The following ASB14 variants were observed in gnomAD, a reference collection of about 807,000 sequenced individuals.
The protein encoded by ASB14 is ankyrin repeat and SOCS box protein 14.
A neutral mutation model predicts 55.6 loss-of-function variants in ASB14; 63 were observed. That is an observed-to-expected ratio of 1.13 (90% CI 0.92 to 1.40). The LOEUF (loss-of-function observed/expected upper bound fraction) is 1.40, where lower values mean the gene tolerates loss of function less well. Ranked by LOEUF, ASB14 falls within the 40% of genes most tolerant of loss-of-function variation. The pLI, the probability that ASB14 is intolerant of heterozygous loss-of-function variation, is 0.00. For synonymous variants in ASB14, 256 were observed against 259.9 expected (o/e 0.98, Z 0.15); for missense variants, 724 against 710.4 (o/e 1.02, Z -0.22).
At position 57,276,541 on chromosome 3, in the gene ASB14, A is replaced by G. The variant is rs1446990874; in HGVS notation, c.*9T>C. 1 of 1,594,340 alleles carries G rather than the reference A, an allele frequency of 6.3e-7. No homozygotes were observed. Among genetic ancestry groups the G allele is most frequent in the South Asian group, 1.1e-5 (1 of 88,956 alleles). On this transcript the variant is annotated 3_prime_UTR_variant, in exon 10 of 11. Coordinates refer to ENST00000487349, the MANE Select transcript of ASB14 (RefSeq NM_001142733.3). Reference sequence around the variant, plus strand: ...GCAAAATTATACCTTTTCCATTAGAATGGTTTGATTACCAGGTTCCTGTAA... The same window carrying G: ...GCAAAATTATACCTTTTCCATTAGAGTGGTTTGATTACCAGGTTCCTGTAA...
rs748953824 is a variant in ASB14, at chr3:57,287,926, GAA to G, written c.442_443del (p.Phe148ArgfsTer13). Reference sequence around the variant, plus strand: ...CTGCAAGAAGAGGAGAATTGCCTTCGAAATTCTTAGCATTTGGATTGCAGCCA... The same window carrying G: ...CTGCAAGAAGAGGAGAATTGCCTTCGATTCTTAGCATTTGGATTGCAGCCA... The part of the protein sequence containing the change: ...LNGCNPNAKN[F>X]EGNSPLLAAV... On this transcript the variant is annotated frameshift_variant, in exon 5 of 11. Transcript: ENST00000487349. LOFTEE classifies it high-confidence loss of function. 7 of 1,537,090 alleles carry G rather than the reference GAA, an allele frequency of 4.6e-6. No individual in the cohort carries two copies. Among genetic ancestry groups the G allele is most frequent in the Non-Finnish European group, 6.1e-6 (7 of 1,146,886 alleles).
At position 57,292,124 on chromosome 3, in the gene ASB14, A is replaced by C; in HGVS notation, c.-71-20T>G. On this transcript the variant is annotated intron_variant, in intron 1 of 10. Coordinates refer to ENST00000487349, the MANE Select transcript of ASB14 (RefSeq NM_001142733.3). The stretch of plus-strand genomic sequence containing the variant: ...GATCAACTGCTTAAAATTACAAATG[A>C]AATTCAGAAATCTAGAAAATTGGTA... 8.1e-7 allele frequency: 1 copy of C among 1,232,522 alleles called. No homozygotes were observed. Among genetic ancestry groups the C allele is most frequent in the Non-Finnish European group, 1.0e-6 (1 of 956,610 alleles). 76.3% of individuals were successfully genotyped at this position (1,232,522 alleles called of 1,614,324 possible).
intron 2 of ASB14, among the ~76,000 whole-genome samples, chr3:57,290,006 T>A (rs1275267066): frequency 1.3e-5 from 2 of 152,144 alleles, no homozygotes; most frequent in Admixed American, 1.3e-4. Context: ...CCTCGGACAC[T>A]CTGTCCTGTT....
In ASB14 at chr3:57,280,325, C is replaced by T. The variant is rs2061030041; in HGVS notation, c.864G>A (p.Val288=). The T allele has an allele frequency of 6.5e-7, 1 of 1,549,286 alleles. No individual in the cohort carries two copies. The highest frequency in any genetic ancestry group is 8.7e-7 in the Non-Finnish European group (1 of 1,145,466). ...ACAGTAAGTGGCCCCTGTCAGCTGC[C>T]ACATGGATGGGCAGGTGGCCTGAAT... ...PKNSGHLPIH[V]AADRGHLLAL... The change falls in exon 7 of 11, where the codon GTG becomes GTA. Residue 288 remains valine, a synonymous_variant. Transcript: ENST00000487349.
chr3:57,269,456 GGCTCTC>G lies in ASB14; in HGVS notation c.*179_*184del. 6 of 1,412,944 alleles carry G rather than the reference GGCTCTC, an allele frequency of 4.2e-6. No individual in the cohort carries two copies. The highest frequency in any genetic ancestry group is 2.0e-5 in the Admixed American group (1 of 49,604). 87.5% of individuals were successfully genotyped at this position (1,412,944 alleles called of 1,614,324 possible). A position where few individuals can be genotyped will look rare whatever the true frequency, so the allele number is the denominator to read the frequency against. Reference sequence around the variant, plus strand: ...CATACATATTTATGACAGAAGAAGTGGCTCTCAAGAATGTATCTTAACTGCATAATT... The same window carrying G: ...CATACATATTTATGACAGAAGAAGTGAAGAATGTATCTTAACTGCATAATT... On this transcript the variant is annotated 3_prime_UTR_variant, in exon 11 of 11. Transcript: ENST00000487349.
At chr3:57,277,987 G>GATACTT in intron 8 of ASB14, 67 bp from the exon 9 acceptor site, 1 of 1,407,284 alleles carries the variant, frequency 7.1e-7, no homozygotes, top group Non-Finnish European at 9.8e-7. Flanking sequence ...GTTTAGCATA[G>GATACTT]TAGTCAAAGG....
At position 57,280,393 on chromosome 3, in the gene ASB14, C is replaced by T. The variant is rs1449581676; in HGVS notation, c.796G>A (p.Ala266Thr). 1.3e-5 allele frequency: 20 copies of T among 1,551,280 alleles called. No homozygotes were observed. In the South Asian group the frequency reaches 2.1e-4, roughly 17 times the overall value. Reference protein sequence around the residue: ...AASGGNPDAVALLLEYGADAN... With the variant: ...AASGGNPDAVTLLLEYGADAN... ...TCAGCTCCATACTCCAGCAAGAGAG[C>T]CACAGCATCTGGATTTCCTCCACTT... Residue 266 changes from alanine (A) to threonine (T), a missense_variant, in exon 7 of 11, where the codon GCT (alanine) becomes ACT (threonine). Physicochemically the swap from Ala to Thr is moderately conservative, Grantham distance 58. Coordinates refer to ENST00000487349, the MANE Select transcript of ASB14 (RefSeq NM_001142733.3).
Position 57,280,453 on chromosome 3 carries a change from C to T in ASB14, c.736G>A (p.Ala246Thr), listed in dbSNP as rs1196157830. 3 of 1,550,728 alleles carry T rather than the reference C, an allele frequency of 1.9e-6. No individual in the cohort carries two copies. The highest frequency in any genetic ancestry group is 1.4e-5 in the African/African-American group (1 of 72,992). ...LRKGANAHGQ[A>T]SDSSSILLEA... ...AGTAAGATGGAAGAAGAATCAGAGG[C>T]CTGACCATGAGCATTAGCTCCTAAG... Residue 246 changes from alanine (A) to threonine (T), a missense_variant, in exon 7 of 11, where the codon GCC (alanine) becomes ACC (threonine). Ala to Thr is a moderately conservative substitution (Grantham distance 58). Coordinates refer to ENST00000487349, the MANE Select transcript of ASB14 (RefSeq NM_001142733.3).
chr3:57,277,552 A>G (rs1443019794), intron 9 of ASB14, among the ~76,000 whole-genome samples: 1 of 152,170 alleles, frequency 6.6e-6, no homozygotes, highest in African/African-American at 2.4e-5. Flanking sequence ...ACCTATCTAT[A>G]TAATAAGTAG....
At position 57,275,308 on chromosome 3, in the gene ASB14, C is replaced by T. The variant is rs370608886; in HGVS notation, c.*22+1220G>A. 2.6e-4 allele frequency among the ~76,000 whole-genome samples: 39 copies of T among 152,024 alleles called. 2 individuals carry two copies. The South Asian group carries it at 7.3e-3, about 28-fold the overall frequency. On this transcript the variant is annotated intron_variant, in intron 10 of 10. Coordinates refer to ENST00000487349, the MANE Select transcript of ASB14 (RefSeq NM_001142733.3). ...TTCTACTAAAAATACAAAAATTAGCCGGGCATGGTGGTGTACACCTGTAAT... is the reference window on the plus strand; with the variant it reads ...TTCTACTAAAAATACAAAAATTAGCTGGGCATGGTGGTGTACACCTGTAAT...
At chr3:57,269,782 G>C in intron 10 of ASB14, 164 bp from the exon 11 acceptor site, 1 of 1,354,938 alleles carries the variant, frequency 7.4e-7, no homozygotes, top group Non-Finnish European at 1.0e-6. Flanking sequence ...TCAAGGAGGA[G>C]ATTAAGCTTT....
chr3:57,290,258 T>C (rs2061118439), intron 2 of ASB14, among the ~76,000 whole-genome samples: 1 of 152,216 alleles, frequency 6.6e-6, no homozygotes, highest in African/African-American at 2.4e-5. Context: ...GGGGAGACTC[T>C]ATCTCTGCCT....
chr3:57,279,007 T>C, intron 7 of ASB14, 87 bp from the exon 8 acceptor site: 1 of 1,271,200 alleles, frequency 7.9e-7, no homozygotes, highest in Non-Finnish European at 1.1e-6. Context: ...CAATACTAGA[T>C]AGTATCAGTA....
In ASB14 at chr3:57,278,807, A is replaced by G. The variant is rs761302492; in HGVS notation, c.1001T>C (p.Ile334Thr). 8.1e-6 allele frequency: 13 copies of G among 1,613,466 alleles called. No homozygotes were observed. The change falls in exon 8 of 11, where the codon ATC becomes ACC. Residue 334 changes from isoleucine (I) to threonine (T), a missense_variant. Coordinates refer to ENST00000487349, the MANE Select transcript of ASB14 (RefSeq NM_001142733.3). ...GAAGTTCACATCAAATCCAGCCTGG[A>G]TGAGGAGTTCCAGGCACTGAGGATG... Reference protein sequence around the residue: ...GAHPQCLELLIQAGFDVNFML... With the variant: ...GAHPQCLELLTQAGFDVNFML...
intron 2 of ASB14, among the ~76,000 whole-genome samples, chr3:57,290,783 A>G (rs1239890083): frequency 1.3e-5 from 2 of 152,248 alleles, no homozygotes; most frequent in South Asian, 2.1e-4. Context: ...CAGTTACTCA[A>G]TTATGCAATT....
At chr3:57,292,214 CTT>C (rs2061138416) in intron 1 of ASB14, 110 bp from the exon 2 acceptor site, 1 of 814,124 alleles carries the variant, frequency 1.2e-6, no homozygotes, top group African/African-American at 1.8e-5. Flanking sequence ...TTTCTATAAA[CTT>C]AAAAAAGTTT....
chr3:57,290,240 A>T (rs1172371583), intron 2 of ASB14, among the ~76,000 whole-genome samples: 1 of 152,154 alleles, frequency 6.6e-6, no homozygotes, highest in Non-Finnish European at 1.5e-5. Flanking sequence ...TTCCTTCTGG[A>T]GGCTCTTGGG....
intron 5 of ASB14, among the ~76,000 whole-genome samples, chr3:57,284,135 AAT>A (rs1207729118): frequency 3.0e-5 from 2 of 66,702 alleles, no homozygotes; most frequent in African/African-American, 5.6e-5. Flanking sequence ...TATGTATGTA[AAT>A]ATATATATAT....
Position 57,268,429 on chromosome 3 carries a change from TAGAG to T in ASB14, c.*1208_*1211del, listed in dbSNP as rs757479184. On this transcript the variant is annotated 3_prime_UTR_variant, in exon 11 of 11. Coordinates refer to ENST00000487349, the MANE Select transcript of ASB14 (RefSeq NM_001142733.3). ...AGGGCATCAGAAAAACAAAAAGAAA[TAGAG>T]AGAGTAAAAGAGAAGCAACAGAAAG... 843 of 1,600,346 alleles carry T rather than the reference TAGAG, an allele frequency of 5.3e-4. No homozygotes were observed. The highest frequency in any genetic ancestry group is 6.5e-4 in the Non-Finnish European group (762 of 1,172,120).
Sources: gnomAD v4.1 joint callset for allele counts (sites outside exome capture counted in the v4.1 genomes callset) on GRCh38, gnomAD v4.1.1 for gene constraint, MANE v1.5 for transcripts, NCBI Gene and HGNC (gene_info 2026-07-23, HGNC 2026-07-21) for gene names.